TACC2: variants seen among roughly 807,000 people sequenced by gnomAD.
TACC2 encodes transforming acidic coiled-coil containing protein 2.
A neutral mutation model predicts 227.3 loss-of-function variants in TACC2; 137 were observed. The observed-to-expected ratio is 0.60, with a 90% CI of 0.52 to 0.69. The LOEUF (loss-of-function observed/expected upper bound fraction) is 0.69, where lower values mean the gene tolerates loss of function less well. Among genes scored for constraint, TACC2 ranks in the 30% least tolerant of loss-of-function variants. The pLI, the probability that TACC2 is intolerant of heterozygous loss-of-function variation, is 0.00. For synonymous variants in TACC2, 1,523 were observed against 1,487.5 expected (o/e 1.02, Z -0.55); for missense variants, 3,470 against 3,694.4 (o/e 0.94, Z 1.57).
intron 12 of TACC2, among the ~76,000 whole-genome samples, chr10:122,226,062 C>T (rs765253904): frequency 1.7e-4 from 26 of 152,206 alleles, no homozygotes; most frequent in Non-Finnish European, 2.8e-4. Context: ...GCCCAGAGAG[C>T]GTGCTCAGTA....
intron 9 of TACC2, chr10:122,213,263 A>G: frequency 5.4e-6 from 8 of 1,478,192 alleles, no homozygotes; most frequent in Non-Finnish European, 7.5e-6. Context: ...TAACCCATTA[A>G]TAACCAGTTG....
chr10:122,033,187 C>T (rs1371478374), intron 2 of TACC2: 3 of 1,261,860 alleles, frequency 2.4e-6, no homozygotes, highest in Non-Finnish European at 2.1e-6. Context: ...CATGGCTTCC[C>T]TCTCAGCCCC....
chr10:122,013,927 G>T (rs999671370), intron 1 of TACC2, among the ~76,000 whole-genome samples: 8 of 152,148 alleles, frequency 5.3e-5, no homozygotes, highest in African/African-American at 1.9e-4. Context: ...TTTGGAGAGG[G>T]TGGTCTTCAA....
In TACC2 at chr10:122,173,399, G is replaced by A. The variant is rs373430825; in HGVS notation, c.5835-21641G>A. Among the ~76,000 whole-genome samples, 14 of 152,320 alleles carry A rather than the reference G, an allele frequency of 9.2e-5. No individual in the cohort carries two copies. The South Asian group carries it at 2.9e-3, about 32-fold the overall frequency. ...GTCTGAAAAGAGAGCGGGGCTCCACGCCCTGGGCTTTGGCTTGGCCCACGA... is the reference window on the plus strand; with the variant it reads ...GTCTGAAAAGAGAGCGGGGCTCCACACCCTGGGCTTTGGCTTGGCCCACGA... On this transcript the variant is annotated intron_variant, in intron 7 of 22. Coordinates refer to ENST00000369005, the MANE Select transcript of TACC2 (RefSeq NM_206862.4).
At position 122,150,445 on chromosome 10, in the gene TACC2, G is replaced by T. The variant is rs541254183; in HGVS notation, c.5834+6739G>T. Among the ~76,000 whole-genome samples the T allele has an allele frequency of 3.3e-5, 5 of 152,212 alleles. No homozygotes were observed. The highest frequency in any genetic ancestry group is 5.9e-5 in the Non-Finnish European group (4 of 68,028). On this transcript the variant is annotated intron_variant, in intron 7 of 22. Transcript: ENST00000369005. The surrounding 1 kb of genome is among the most constrained non-coding windows in gnomAD (Gnocchi z 4.0). ...CTCCTCCCCGAGCACGGCTGCCCAGGGACGGCCCTCGGCTTCCACTTGATG... is the reference window on the plus strand; with the variant it reads ...CTCCTCCCCGAGCACGGCTGCCCAGTGACGGCCCTCGGCTTCCACTTGATG...
intron 1 of TACC2, among the ~76,000 whole-genome samples, chr10:122,005,285 GT>G (rs1954930678): frequency 6.6e-6 from 1 of 151,184 alleles, no homozygotes. Flanking sequence ...GGTGTCACCA[GT>G]TTACCCAGGC....
At chr10:122,075,200 A>AGAAAGAAAG (rs57279930) in intron 3 of TACC2, among the ~76,000 whole-genome samples, 8 of 122,336 alleles carry the variant, frequency 6.5e-5, no homozygotes, top group East Asian at 2.2e-4. Flanking sequence ...AAAAAAAAAA[A>AGAAAGAAAG]AAAGAAAGAA....
At chr10:122,030,583 C>G (rs961042377) in intron 2 of TACC2, among the ~76,000 whole-genome samples, 2 of 152,066 alleles carry the variant, frequency 1.3e-5, no homozygotes, top group Non-Finnish European at 2.9e-5. Context: ...CACCTCCTAC[C>G]AGCTCCTGAC....
At chr10:122,097,799 C>T (rs776434701) in intron 5 of TACC2, among the ~76,000 whole-genome samples, 3 of 152,062 alleles carry the variant, frequency 2.0e-5, no homozygotes, top group African/African-American at 7.3e-5. Context: ...ACGGCACACC[C>T]GACACAAAGT....
intron 7 of TACC2, among the ~76,000 whole-genome samples, chr10:122,168,502 C>T (rs942814043): frequency 2.0e-5 from 3 of 152,118 alleles, no homozygotes; most frequent in Admixed American, 6.5e-5. Flanking sequence ...TCATAAGGGT[C>T]CTGGGCCTTC....
chr10:122,229,258 A>C (rs560122997), intron 14 of TACC2, 88 bp from the exon 15 acceptor site: 2 of 1,522,290 alleles, frequency 1.3e-6, no homozygotes, highest in Middle Eastern at 1.9e-4. Context: ...ATGTCCAGCA[A>C]ATGGCTGCAT....
chr10:122,224,282 T>C (rs1589720149), intron 11 of TACC2, among the ~76,000 whole-genome samples: 1 of 152,270 alleles, frequency 6.6e-6, no homozygotes, highest in Middle Eastern at 3.4e-3. Context: ...TGGCCAGAGC[T>C]GAATACCCAG....
intron 3 of TACC2, among the ~76,000 whole-genome samples, chr10:122,064,013 T>C (rs2077126432): frequency 1.3e-5 from 2 of 151,756 alleles, no homozygotes; most frequent in South Asian, 4.2e-4. Context: ...AATACAAAAA[T>C]TAGCCGGGCG....
intron 7 of TACC2, among the ~76,000 whole-genome samples, chr10:122,178,400 C>G (rs2093826968): frequency 6.6e-6 from 1 of 152,004 alleles, no homozygotes; most frequent in African/African-American, 2.4e-5. Flanking sequence ...CCACACGTGG[C>G]TAAGTTTTGT....
At chr10:122,155,956 G>A (rs1445010893) in intron 7 of TACC2, among the ~76,000 whole-genome samples, 1 of 148,356 alleles carries the variant, frequency 6.7e-6, no homozygotes, top group African/African-American at 2.5e-5. Flanking sequence ...TCCTGCCTCA[G>A]CCTCGCGAGT....
At chr10:121,993,390 A>C (rs753299300) in intron 1 of TACC2, among the ~76,000 whole-genome samples, 1 of 152,230 alleles carries the variant, frequency 6.6e-6, no homozygotes, top group African/African-American at 2.4e-5. Flanking sequence ...TTATACATTC[A>C]CATGAGATAA....
intron 7 of TACC2, chr10:122,164,058 A>C (rs2092998870): frequency 6.5e-7 from 1 of 1,535,934 alleles, no homozygotes; most frequent in African/African-American, 1.4e-5. Context: ...GGGCTTTGTT[A>C]GTGTCGCCTT....
chr10:122,245,028 T>G (rs1016159127), intron 19 of TACC2: 1 of 152,268 alleles, frequency 6.6e-6, no homozygotes. Context: ...GCTTCCATTT[T>G]CTGTTGCTTC....
At chr10:122,070,533 C>A (rs1169728090) in intron 3 of TACC2, among the ~76,000 whole-genome samples, 1 of 152,048 alleles carries the variant, frequency 6.6e-6, no homozygotes, top group Non-Finnish European at 1.5e-5. Flanking sequence ...GCGGGCGGAT[C>A]ACCTGAGGTC....
Sources: gnomAD v4.1 joint callset for allele counts (sites outside exome capture counted in the v4.1 genomes callset) on GRCh38, gnomAD v4.1.1 for gene constraint, Gnocchi (gnomAD v3.1) non-coding constraint, MANE v1.5 for transcripts, NCBI Gene and HGNC (gene_info 2026-07-23, HGNC 2026-07-21) for gene names.